SPMIP2: variants seen among roughly 807,000 people sequenced by gnomAD.
The protein encoded by SPMIP2 is protein SPMIP2.
the SPMIP2 span, among the ~76,000 whole-genome samples, chr4:158,940,709 A>C: frequency 6.6e-6 from 1 of 152,174 alleles, no homozygotes. Context: ...GTTTTAAAAT[A>C]ATGTAACCAG....
At chr4:158,941,851 AT>A in the SPMIP2 span, among the ~76,000 whole-genome samples, 9 of 150,160 alleles carry the variant, frequency 6.0e-5, no homozygotes, top group East Asian at 3.9e-4. Flanking sequence ...GCATTGCTCT[AT>A]TTTTTTTTTC....
the SPMIP2 span, among the ~76,000 whole-genome samples, chr4:158,972,192 T>C: frequency 6.6e-6 from 1 of 152,112 alleles, no homozygotes; most frequent in Non-Finnish European, 1.5e-5. Context: ...CGAAACCCCA[T>C]CTCTACTAAA....
At chr4:158,937,818 C>T in the SPMIP2 span, among the ~76,000 whole-genome samples, 14 of 152,268 alleles carry the variant, frequency 9.2e-5, no homozygotes, top group African/African-American at 2.4e-4. Context: ...AACTGATTTA[C>T]GGCTATACCT....
At chr4:158,975,969 T>A in the SPMIP2 span, among the ~76,000 whole-genome samples, 2 of 152,202 alleles carry the variant, frequency 1.3e-5, no homozygotes, top group Admixed American at 6.5e-5. Flanking sequence ...TCCTCTCTTA[T>A]TTCCTCGAAC....
the SPMIP2 span, among the ~76,000 whole-genome samples, chr4:158,975,444 A>G: frequency 1.3e-5 from 2 of 152,192 alleles, no homozygotes; most frequent in African/African-American, 4.8e-5. Flanking sequence ...CTTACATTTA[A>G]GTCTTTAATC....
At chr4:159,026,039 T>C in the SPMIP2 span, 4 of 170,594 alleles carry the variant, frequency 2.3e-5, no homozygotes, top group Admixed American at 1.9e-4. Context: ...GAGCATTTCA[T>C]CCTGATTTAA....
chr4:158,961,889 AT>A, the SPMIP2 span, among the ~76,000 whole-genome samples: 4 of 149,788 alleles, frequency 2.7e-5, no homozygotes, highest in African/African-American at 2.4e-5. Context: ...CAGATAAATT[AT>A]TTTTTTTTTA....
chr4:159,047,002 G>A, the SPMIP2 span, among the ~76,000 whole-genome samples: 1 of 152,196 alleles, frequency 6.6e-6, no homozygotes, highest in Non-Finnish European at 1.5e-5. Context: ...CAGAGAGTTG[G>A]AAGTTATCCA....
the SPMIP2 span, among the ~76,000 whole-genome samples, chr4:159,028,965 C>T: frequency 1.3e-5 from 2 of 152,052 alleles, no homozygotes; most frequent in Non-Finnish European, 2.9e-5. Context: ...CGTGGTGGCG[C>T]ACACCTGAAA....
the SPMIP2 span, among the ~76,000 whole-genome samples, chr4:158,919,464 T>C: frequency 6.6e-6 from 1 of 152,200 alleles, no homozygotes; most frequent in Non-Finnish European, 1.5e-5. Flanking sequence ...TTCTTATGTT[T>C]CCTCTTGGTT....
chr4:158,937,427 G>T, the SPMIP2 span: 1 of 154,342 alleles, frequency 6.5e-6, no homozygotes, highest in Non-Finnish European at 1.5e-5. Context: ...AAATTTTAGC[G>T]ATCAAAATCC....
the SPMIP2 span, among the ~76,000 whole-genome samples, chr4:158,941,979 T>C: frequency 6.6e-6 from 1 of 152,168 alleles, no homozygotes; most frequent in South Asian, 2.1e-4. Flanking sequence ...AAGAGTGACT[T>C]TGGTTCTGGT....
At chr4:159,069,080 A>G in the SPMIP2 span, among the ~76,000 whole-genome samples, 2 of 152,146 alleles carry the variant, frequency 1.3e-5, no homozygotes, top group Admixed American at 1.3e-4. Context: ...AGGTGGGTGG[A>G]TCACCTGAGG....
the SPMIP2 span, among the ~76,000 whole-genome samples, chr4:159,065,334 C>T: frequency 4.6e-5 from 7 of 152,280 alleles, no homozygotes; most frequent in African/African-American, 1.7e-4. Flanking sequence ...AAGTTTCATA[C>T]CATAAGGAAG....
the SPMIP2 span, chr4:158,907,390 A>G: frequency 6.6e-6 from 1 of 152,178 alleles, no homozygotes; most frequent in Non-Finnish European, 1.5e-5. Flanking sequence ...ACACATTGCA[A>G]CTTTTTAAAC....
At chr4:158,982,957 A>G in the SPMIP2 span, among the ~76,000 whole-genome samples, 14 of 152,234 alleles carry the variant, frequency 9.2e-5, no homozygotes, top group Non-Finnish European at 7.3e-5. Flanking sequence ...AATACAGAGA[A>G]GTGCTTAAAG....
chr4:159,072,351 A>G, the SPMIP2 span, among the ~76,000 whole-genome samples: 1 of 151,926 alleles, frequency 6.6e-6, no homozygotes, highest in Non-Finnish European at 1.5e-5. Flanking sequence ...AGAAGTTTGT[A>G]GATTGAGGAC....
At chr4:158,943,077 T>G in the SPMIP2 span, among the ~76,000 whole-genome samples, 2 of 152,252 alleles carry the variant, frequency 1.3e-5, no homozygotes, top group Non-Finnish European at 2.9e-5. Context: ...AGTCAACATT[T>G]AAATATAAAG....
the SPMIP2 span, among the ~76,000 whole-genome samples, chr4:159,007,999 G>C: frequency 0.66 from 100,622 of 152,104 alleles, 33,416 homozygotes; most frequent in Middle Eastern, 0.73. Flanking sequence ...CTACTTGGGA[G>C]GCTGGGGTGG....
Sources: gnomAD v4.1 joint callset for allele counts (sites outside exome capture counted in the v4.1 genomes callset) on GRCh38, gnomAD v4.1.1 for gene constraint, MANE v1.5 for transcripts, NCBI Gene and HGNC (gene_info 2026-07-23, HGNC 2026-07-21) for gene names.